TJP2: variants seen among roughly 807,000 people sequenced by gnomAD.
TJP2 encodes the protein tight junction protein 2, also known as Friedreich ataxia region gene X104 (tight junction protein ZO-2).
A neutral mutation model predicts 133.1 loss-of-function variants in TJP2; 91 were observed. The ratio of observed to expected loss-of-function variants is 0.68; its 90% CI spans 0.58 to 0.81. TJP2 has a LOEUF of 0.81. Among genes scored for constraint, TJP2 ranks in the 40% least tolerant of loss-of-function variants. The probability of loss-of-function intolerance (pLI) is 0.00; values close to 1 mark genes in which losing one functional copy is unlikely to be tolerated. For synonymous variants in TJP2, 592 were observed against 583.4 expected, an observed-to-expected ratio of 1.01 and a Z score of -0.21; for missense variants, 1,541 against 1,565.6, an observed-to-expected ratio of 0.98 and a Z score of 0.26.
Position 69,221,084 on chromosome 9 carries a change from C to T in TJP2, c.540C>T (p.Pro180=). 6.3e-7 allele frequency: 1 copy of T among 1,589,624 alleles called. No homozygotes were observed. Among genetic ancestry groups the T allele is most frequent in the Non-Finnish European group, 8.6e-7 (1 of 1,168,568 alleles). ...SWEDSPERGR[P]HERARSRERD... The stretch of plus-strand genomic sequence containing the variant: ...AGGACAGCCCGGAAAGGGGGCGTCC[C>T]CATGAGCGGGCCCGGAGCCGGGAGC... Residue 180 remains proline (P), a synonymous_variant, in exon 5 of 23, where the codon CCC becomes CCT. Coordinates refer to ENST00000377245, the MANE Select transcript of TJP2 (RefSeq NM_004817.4).
intron 1 of TJP2, among the ~76,000 whole-genome samples, chr9:69,140,417 A>G (rs4076287): frequency 0.45 from 68,179 of 152,026 alleles, 15,399 homozygotes; most frequent in East Asian, 0.62. Context: ...CTGGACTTCA[A>G]TCTCAGGCAG....
At chr9:69,220,149 T>TAAAA (rs1249778403) in intron 4 of TJP2, among the ~76,000 whole-genome samples, 1 of 152,012 alleles carries the variant, frequency 6.6e-6, no homozygotes, top group Non-Finnish European at 1.5e-5. Flanking sequence ...TAATAATAAA[T>TAAAA]TAAATAAATA....
chr9:69,158,941 T>G (rs1399297396), intron 2 of TJP2, among the ~76,000 whole-genome samples: 1 of 151,966 alleles, frequency 6.6e-6, no homozygotes, highest in Non-Finnish European at 1.5e-5. Flanking sequence ...GTAATCTGAT[T>G]GTGTAGTGAG....
chr9:69,250,589 G>A (rs1030654254), intron 20 of TJP2, among the ~76,000 whole-genome samples: 3 of 152,100 alleles, frequency 2.0e-5, no homozygotes, highest in Admixed American at 6.6e-5. Context: ...TGCTCTCCTC[G>A]CTCCCCACCC....
At chr9:69,190,911 A>G (rs959046760) in intron 1 of TJP2, among the ~76,000 whole-genome samples, 1 of 152,218 alleles carries the variant, frequency 6.6e-6, no homozygotes, top group Non-Finnish European at 1.5e-5. Context: ...TGGCAAGCCT[A>G]AAATATTTAT....
intron 1 of TJP2, among the ~76,000 whole-genome samples, chr9:69,203,815 T>C (rs1334058704): frequency 2.0e-5 from 3 of 151,914 alleles, no homozygotes; most frequent in Admixed American, 6.6e-5. Flanking sequence ...GGTTTCACCA[T>C]GTTGGCCAGG....
At chr9:69,142,557 G>T (rs1259921961) in intron 1 of TJP2, among the ~76,000 whole-genome samples, 2 of 151,718 alleles carry the variant, frequency 1.3e-5, no homozygotes, top group Non-Finnish European at 2.9e-5. Flanking sequence ...TTTAGTTAAA[G>T]CTTTTTTCAG....
At chr9:69,180,548 A>G (rs914211343) in intron 1 of TJP2, among the ~76,000 whole-genome samples, 2 of 152,182 alleles carry the variant, frequency 1.3e-5, no homozygotes, top group African/African-American at 4.8e-5. Context: ...TTTGATGCCT[A>G]CTAAAGCTGA....
At chr9:69,223,590 A>G (rs1829088597) in intron 5 of TJP2, among the ~76,000 whole-genome samples, 1 of 152,230 alleles carries the variant, frequency 6.6e-6, no homozygotes, top group African/African-American at 2.4e-5. Flanking sequence ...TACAGGCGTG[A>G]GCCCCCATGC....
At chr9:69,161,478 C>T (rs1824070112) in intron 2 of TJP2, among the ~76,000 whole-genome samples, 1 of 152,082 alleles carries the variant, frequency 6.6e-6, no homozygotes, top group Non-Finnish European at 1.5e-5. Flanking sequence ...CCATCCGCTT[C>T]AGCCTCCCAA....
rs769972943 is a variant in TJP2, at chr9:69,254,195, C to G, written c.3408-14C>G. On this transcript the variant is annotated splice_polypyrimidine_tract_variant and intron_variant, in intron 22 of 22. Transcript: ENST00000377245. ...ATGTGCTCTGGAATGTCTTTAACAC[C>G]CTTTTTTTGTTAGTTCCAGACCCCC... 1 of 1,614,190 alleles carries G rather than the reference C, an allele frequency of 6.2e-7. No individual in the cohort carries two copies. The highest frequency in any genetic ancestry group is 1.1e-5 in the South Asian group (1 of 91,064).
intron 2 of TJP2, among the ~76,000 whole-genome samples, chr9:69,163,305 G>A (rs1275142875): frequency 2.3e-5 from 1 of 43,646 alleles, no homozygotes; most frequent in African/African-American, 9.2e-5. Flanking sequence ...GGGATTACAG[G>A]CGTGAGCCAC....
intron 1 of TJP2, among the ~76,000 whole-genome samples, chr9:69,142,830 T>G (rs1465832282): frequency 6.6e-6 from 1 of 152,264 alleles, no homozygotes; most frequent in Non-Finnish European, 1.5e-5. Context: ...TCATGTATAT[T>G]TAAAAACACT....
Position 69,221,511 on chromosome 9 carries a change from T to A in TJP2, c.952+15T>A. 6.3e-7 allele frequency: 1 copy of A among 1,599,210 alleles called. No individual in the cohort carries two copies. Among genetic ancestry groups the A allele is most frequent in the Admixed American group, 1.7e-5 (1 of 58,176 alleles). ...AGCGAACGAAGGTAGGCATGCTTGA[T>A]GTGGGAAGAAAAGCACTGTTGTGAT... is the stretch of plus-strand genomic sequence containing the variant. On this transcript the variant is annotated intron_variant, in intron 5 of 22. Coordinates refer to ENST00000377245, the MANE Select transcript of TJP2 (RefSeq NM_004817.4).
chr9:69,238,816 T>G, intron 16 of TJP2, 27 bp downstream of exon 16: 1 of 1,560,090 alleles, frequency 6.4e-7, no homozygotes, highest in Non-Finnish European at 8.8e-7. Flanking sequence ...ACAGACCGTG[T>G]TTTCAGAAAG....
At chr9:69,198,882 AAGTTTGAATAGACCAC>A (rs1170819293) in intron 1 of TJP2, among the ~76,000 whole-genome samples, 4 of 152,242 alleles carry the variant, frequency 2.6e-5, no homozygotes, top group African/African-American at 7.2e-5. Context: ...AGAGGGGTTT[AAGTTTGAATAGACCAC>A]AGGTAAGTGC....
chr9:69,248,843 G>A, intron 19 of TJP2: 1 of 994,194 alleles, frequency 1.0e-6, no homozygotes, highest in Non-Finnish European at 1.2e-6. Context: ...GCACCTCAGA[G>A]AATGTTGGAA....
At position 69,234,490 on chromosome 9, in the gene TJP2, CT is replaced by C; in HGVS notation, c.1724del (p.Leu575ArgfsTer2). On this transcript the variant is annotated frameshift_variant, in exon 12 of 23. Transcript: ENST00000377245. LOFTEE classifies it high-confidence loss of function. Reference protein sequence around the residue: ...GLVREDAVLYLLEIPKGEMVT... With the variant: ...GLVREDAVLYXLEIPKGEMVT... ...AGTGCGGGAGGATGCCGTTCTCTACCTGTTAGAAATCCCTAAAGGTGAAATG... is the reference window on the plus strand; with the variant it reads ...AGTGCGGGAGGATGCCGTTCTCTACCGTTAGAAATCCCTAAAGGTGAAATG... 1 of 1,515,650 alleles carries C rather than the reference CT, an allele frequency of 6.6e-7. No individual in the cohort carries two copies. The highest frequency in any genetic ancestry group is 1.1e-5 in the South Asian group (1 of 89,126). 93.9% of individuals were successfully genotyped at this position (1,515,650 alleles called of 1,614,324 possible). A position where few individuals can be genotyped will look rare whatever the true frequency, so the allele number is the denominator to read the frequency against.
intron 2 of TJP2, among the ~76,000 whole-genome samples, chr9:69,162,989 T>G (rs1485970890): frequency 6.6e-6 from 1 of 152,202 alleles, no homozygotes. Context: ...CACAGCATTT[T>G]GCAAATAATT....
Sources: allele counts gnomAD v4.1 joint callset (sites outside exome capture counted in the v4.1 genomes callset), GRCh38; gene constraint gnomAD v4.1.1; transcripts MANE v1.5; gene names NCBI Gene and HGNC (gene_info 2026-07-23, HGNC 2026-07-21).